MTSS1: variants seen among roughly 807,000 people sequenced by gnomAD.
MTSS1 encodes MTSS I-BAR domain containing 1.
In MTSS1, 18 loss-of-function variants were observed where a neutral mutation model predicts 79.0. That is an observed-to-expected ratio of 0.23 (90% CI 0.16 to 0.34). The LOEUF (loss-of-function observed/expected upper bound fraction) is 0.34, where lower values mean the gene tolerates loss of function less well. Ranked by LOEUF, MTSS1 falls within the 10% of genes least tolerant of loss-of-function variation. The pLI, the probability that MTSS1 is intolerant of heterozygous loss-of-function variation, is 1.00. For missense variants in MTSS1, 815 were observed against 986.2 expected, an observed-to-expected ratio of 0.83 and a Z score of 2.33; for synonymous variants, 341 against 368.6, an observed-to-expected ratio of 0.93 and a Z score of 0.86.
At position 124,609,948 on chromosome 8, in the gene MTSS1, C is replaced by T. The variant is rs535934853; in HGVS notation, c.209-18713G>A. On this transcript the variant is annotated intron_variant, in intron 3 of 13. Transcript: ENST00000518547. ...ATACATATCAGACTCACCCATGGAT[C>T]CCCTCTCCCTGGTGATGTGCAAACA... is the stretch of plus-strand genomic sequence containing the variant. Among the ~76,000 whole-genome samples the T allele has an allele frequency of 2.8e-4, 43 of 152,252 alleles. No individual in the cohort carries two copies. The South Asian group carries it at 7.1e-3, about 25-fold the overall frequency.
intron 10 of MTSS1, 121 bp downstream of exon 10, chr8:124,562,661 A>C (rs1825591389): frequency 1.1e-6 from 1 of 940,016 alleles, no homozygotes; most frequent in African/African-American, 1.7e-5. Flanking sequence ...ATTAAACCAG[A>C]GGTTTCTCAA....
At chr8:124,611,393 C>A (rs544995898) in intron 3 of MTSS1, among the ~76,000 whole-genome samples, 1 of 152,152 alleles carries the variant, frequency 6.6e-6, no homozygotes, top group Admixed American at 6.5e-5. Context: ...AGCGGCGTGA[C>A]CTGTGGAGGA....
At chr8:124,611,108 C>G (rs974264459) in intron 3 of MTSS1, among the ~76,000 whole-genome samples, 1 of 133,444 alleles carries the variant, frequency 7.5e-6, no homozygotes, top group Non-Finnish European at 1.6e-5. Context: ...CCAGACAGAC[C>G]CCCCCCCCCC....
At chr8:124,572,564 C>G (rs2132213665) in intron 6 of MTSS1, among the ~76,000 whole-genome samples, 1 of 152,144 alleles carries the variant, frequency 6.6e-6, no homozygotes, top group Non-Finnish European at 1.5e-5. Flanking sequence ...CTGGTCCTGG[C>G]TATTCCAGCT....
At position 124,553,452 on chromosome 8, in the gene MTSS1, G is replaced by C; in HGVS notation, c.1808C>G (p.Thr603Ser). 2.5e-6 allele frequency: 4 copies of C among 1,608,878 alleles called. No individual in the cohort carries two copies. Among genetic ancestry groups the C allele is most frequent in the Non-Finnish European group, 3.4e-6 (4 of 1,176,452 alleles). The change falls in exon 14 of 14, where the codon ACC becomes AGC. Residue 603 changes from threonine to serine, a missense_variant. Transcript: ENST00000518547. The surrounding 1 kb of genome is among the most constrained non-coding windows in gnomAD (Gnocchi z 6.0). ...PSTKPSVRRG[T>S]IGAGPIPIKT... is the part of the protein sequence containing the mutation. Reference sequence around the variant, plus strand: ...GATGGGGATGGGACCAGCTCCAATGGTTCCCCGGCGGACAGAAGGCTTGGT... The same window carrying C: ...GATGGGGATGGGACCAGCTCCAATGCTTCCCCGGCGGACAGAAGGCTTGGT...
chr8:124,682,740 C>G (rs983209602), intron 3 of MTSS1, among the ~76,000 whole-genome samples: 1 of 152,212 alleles, frequency 6.6e-6, no homozygotes, highest in African/African-American at 2.4e-5. Flanking sequence ...CGAAGGGGAA[C>G]TGGGTGGGGA....
intron 6 of MTSS1, among the ~76,000 whole-genome samples, chr8:124,575,571 G>GTT (rs11472869): frequency 0.59 from 89,499 of 151,656 alleles, 26,907 homozygotes; most frequent in Non-Finnish European, 0.66. Context: ...GGTAGGGTGG[G>GTT]TTTTTTGTTG....
chr8:124,709,003 T>C (rs1229020285), intron 1 of MTSS1, among the ~76,000 whole-genome samples: 2 of 151,634 alleles, frequency 1.3e-5, no homozygotes, highest in African/African-American at 4.9e-5. Flanking sequence ...GTTCCAGATA[T>C]TTTTGTAAGT....
intron 2 of MTSS1, among the ~76,000 whole-genome samples, chr8:124,702,561 C>G (rs1829851543): frequency 6.6e-6 from 1 of 152,198 alleles, no homozygotes; most frequent in Admixed American, 6.5e-5. Flanking sequence ...AAAAGGCCCA[C>G]CTTTCCCAAG....
At chr8:124,604,888 G>A (rs912446117) in intron 3 of MTSS1, among the ~76,000 whole-genome samples, 1 of 152,164 alleles carries the variant, frequency 6.6e-6, no homozygotes, top group African/African-American at 2.4e-5. Flanking sequence ...ACCACCATCT[G>A]GCGGCTTCAG....
At chr8:124,692,776 G>A (rs145600839) in intron 3 of MTSS1, among the ~76,000 whole-genome samples, 3 of 152,192 alleles carry the variant, frequency 2.0e-5, no homozygotes, top group East Asian at 1.9e-4. Context: ...GAGAACTGAC[G>A]GGCTTCCCAC....
intron 3 of MTSS1, among the ~76,000 whole-genome samples, chr8:124,594,091 G>T (rs114161054): frequency 0.019 from 2,882 of 152,282 alleles, 100 homozygotes; most frequent in African/African-American, 0.066. Context: ...CCTCAAGATA[G>T]AATTATGATG....
intron 6 of MTSS1, 92 bp downstream of exon 6, chr8:124,584,995 A>T: frequency 1.9e-6 from 2 of 1,063,042 alleles, no homozygotes; most frequent in Non-Finnish European, 2.8e-6. Flanking sequence ...CGTCATACTT[A>T]AGGAAGTCTC....
chr8:124,681,696 G>A (rs1826153065), intron 3 of MTSS1, among the ~76,000 whole-genome samples: 1 of 152,172 alleles, frequency 6.6e-6, no homozygotes, highest in Non-Finnish European at 1.5e-5. Context: ...GCTGAGGCAG[G>A]AGAATTGCTT....
chr8:124,633,019 A>T (rs1816296320), intron 3 of MTSS1, among the ~76,000 whole-genome samples: 1 of 152,088 alleles, frequency 6.6e-6, no homozygotes, highest in South Asian at 2.1e-4. Context: ...GTCAGTAAAA[A>T]ATAAGGTGGC....
chr8:124,685,047 T>A (rs550729383), intron 3 of MTSS1, among the ~76,000 whole-genome samples: 132 of 152,152 alleles, frequency 8.7e-4, no homozygotes, highest in Non-Finnish European at 1.7e-3. Flanking sequence ...TCATGGTAAA[T>A]AAATAAATAA....
At chr8:124,573,555 C>T (rs746879582) in intron 6 of MTSS1, among the ~76,000 whole-genome samples, 15 of 152,218 alleles carry the variant, frequency 9.9e-5, no homozygotes, top group East Asian at 3.8e-4. Flanking sequence ...GCCTGGAAGG[C>T]GGCAGGTGTT....
chr8:124,713,223 A>G (rs920860548), intron 1 of MTSS1, among the ~76,000 whole-genome samples: 1 of 152,200 alleles, frequency 6.6e-6, no homozygotes, highest in African/African-American at 2.4e-5. Context: ...ACCACTGCAG[A>G]AAGTTCTATT....
At chr8:124,581,139 T>C (rs958779748) in intron 6 of MTSS1, among the ~76,000 whole-genome samples, 3 of 151,758 alleles carry the variant, frequency 2.0e-5, no homozygotes, top group African/African-American at 4.9e-5. Flanking sequence ...CATATTATAA[T>C]GTTCCAGTTC....
Sources: gnomAD v4.1 joint callset for allele counts (sites outside exome capture counted in the v4.1 genomes callset) on GRCh38, gnomAD v4.1.1 for gene constraint, Gnocchi (gnomAD v3.1) non-coding constraint, MANE v1.5 for transcripts, NCBI Gene and HGNC (gene_info 2026-07-23, HGNC 2026-07-21) for gene names.